Variants in ACSBG2 observed in about 807,000 individuals in gnomAD.
The protein encoded by ACSBG2 is long-chain-fatty-acid--CoA ligase ACSBG2.
In ACSBG2, 62 loss-of-function variants were observed where a neutral mutation model predicts 74.7. That is an observed-to-expected ratio of 0.83 (90% CI 0.68 to 1.03). ACSBG2 has a LOEUF of 1.03. Among genes scored for constraint, ACSBG2 ranks in the 50% least tolerant of loss-of-function variants. ACSBG2 has a pLI of 0.00. For missense variants in ACSBG2, 730 were observed against 817.6 expected, an observed-to-expected ratio of 0.89 and a Z score of 1.31; for synonymous variants, 309 against 294.1, an observed-to-expected ratio of 1.05 and a Z score of -0.52.
chr19:6,138,394 C>A (rs778067143), intron 1 of ACSBG2, among the ~76,000 whole-genome samples: 1 of 143,328 alleles, frequency 7.0e-6, no homozygotes, highest in East Asian at 2.1e-4. Flanking sequence ...TCCAGGCAGG[C>A]GGAGAGAGTG....
At chr19:6,142,771 G>C (rs1184652649) in intron 2 of ACSBG2, among the ~76,000 whole-genome samples, 5 of 132,394 alleles carry the variant, frequency 3.8e-5, no homozygotes, top group Non-Finnish European at 6.6e-5. Flanking sequence ...AAAAAAAATA[G>C]TGAAAGTACT....
At chr19:6,146,267 C>T (rs1021512364) in intron 2 of ACSBG2, among the ~76,000 whole-genome samples, 7 of 150,702 alleles carry the variant, frequency 4.6e-5, no homozygotes, top group Admixed American at 1.3e-4. Flanking sequence ...GTCAGGAGTT[C>T]GAGACCAGCC....
chr19:6,175,589 A>G (rs1049363984), intron 7 of ACSBG2, among the ~76,000 whole-genome samples: 2 of 152,138 alleles, frequency 1.3e-5, no homozygotes, highest in Non-Finnish European at 2.9e-5. Context: ...GAGCATTCCA[A>G]GCAGGGGGAA....
chr19:6,151,736 T>A lies in ACSBG2; in HGVS notation c.327T>A (p.Gly109=), dbSNP rs369753728. Residue 109 remains glycine (G), a synonymous_variant, in exon 4 of 15, where the codon GGT becomes GGA. Transcript: ENST00000588485. Reference sequence around the variant, plus strand: ...GTTTGGAGCGTTTCCACGGAGTTGGTATCCTGGGGTTTAACTCTGCAGAGT... The same window carrying A: ...GTTTGGAGCGTTTCCACGGAGTTGGAATCCTGGGGTTTAACTCTGCAGAGT... ...KLGLERFHGV[G]ILGFNSAEWF... is the part of the protein sequence containing the mutation. The A allele has an allele frequency of 1.2e-6, 2 of 1,603,170 alleles. No individual in the cohort carries two copies. The highest frequency in any genetic ancestry group is 2.2e-5 in the South Asian group (2 of 88,920).
At chr19:6,184,872 A>AAAAAAAAAAC (rs2090361702) in intron 10 of ACSBG2, among the ~76,000 whole-genome samples, 2 of 116,868 alleles carry the variant, frequency 1.7e-5, no homozygotes, top group African/African-American at 6.9e-5. Context: ...AAAAAAAAAA[A>AAAAAAAAAAC]CGAAAAACAG....
At chr19:6,147,108 A>T (rs2089060991) in intron 2 of ACSBG2, among the ~76,000 whole-genome samples, 1 of 152,124 alleles carries the variant, frequency 6.6e-6, no homozygotes, top group South Asian at 2.1e-4. Context: ...TCCAGAAAAA[A>T]AGAAAGAAAG....
At chr19:6,178,538 T>C (rs1283918328) in intron 8 of ACSBG2, among the ~76,000 whole-genome samples, 1 of 152,118 alleles carries the variant, frequency 6.6e-6, no homozygotes, top group Non-Finnish European at 1.5e-5. Context: ...TGTGCCACCA[T>C]GCCTGGCTGA....
rs1050213476 is a variant in ACSBG2 at position 6,153,655 on chromosome 19, G to A, written c.386+1860G>A. On this transcript the variant is annotated intron_variant, in intron 4 of 14. Coordinates refer to ENST00000588485, the MANE Select transcript of ACSBG2 (RefSeq NM_030924.5). ...GTTCAAGACCAGCCTGGACAACATCGCAAGATTCTGTCTCTAAAAAATAAA... is the reference window on the plus strand; with the variant it reads ...GTTCAAGACCAGCCTGGACAACATCACAAGATTCTGTCTCTAAAAAATAAA... 1.2e-4 allele frequency among the ~76,000 whole-genome samples: 18 copies of A among 151,968 alleles called. 1 individual carries two copies. Among genetic ancestry groups the A allele is most frequent in the Non-Finnish European group, 2.2e-4 (15 of 67,996 alleles).
chr19:6,167,983 A>C (rs112992828), intron 7 of ACSBG2, among the ~76,000 whole-genome samples: 9,812 of 27,412 alleles, frequency 0.36, 697 homozygotes, highest in African/African-American at 0.49. Context: ...CCTCACCCCC[A>C]CCCCCAGTCT....
intron 14 of ACSBG2, among the ~76,000 whole-genome samples, chr19:6,192,413 G>A (rs1208633674): frequency 6.6e-6 from 1 of 152,204 alleles, no homozygotes; most frequent in Non-Finnish European, 1.5e-5. Context: ...GTGAGCCACT[G>A]TGCCTGGCCA....
At chr19:6,162,716 T>C (rs940651397) in intron 6 of ACSBG2, among the ~76,000 whole-genome samples, 18 of 152,048 alleles carry the variant, frequency 1.2e-4, no homozygotes, top group Admixed American at 3.3e-4. Context: ...CTGTTGACAT[T>C]TGGGGCAGGT....
intron 8 of ACSBG2, among the ~76,000 whole-genome samples, chr19:6,177,708 A>G (rs2090124875): frequency 7.0e-6 from 1 of 143,812 alleles, no homozygotes; most frequent in Non-Finnish European, 1.5e-5. Context: ...ATTTTTCTAA[A>G]AAACAAAAAA....
At chr19:6,186,877 T>G (rs1189198656) in intron 11 of ACSBG2, among the ~76,000 whole-genome samples, 1 of 152,088 alleles carries the variant, frequency 6.6e-6, no homozygotes, top group Non-Finnish European at 1.5e-5. Flanking sequence ...GCTATTTTTT[T>G]GCAGAGACCC....
At chr19:6,145,429 C>CAA (rs34273390) in intron 2 of ACSBG2, among the ~76,000 whole-genome samples, 6 of 127,372 alleles carry the variant, frequency 4.7e-5, no homozygotes, top group African/African-American at 1.7e-4. Context: ...GACTCCATCT[C>CAA]AAAAAAAAAA....
At chr19:6,141,915 G>A (rs1274021915) in intron 2 of ACSBG2, among the ~76,000 whole-genome samples, 1 of 151,998 alleles carries the variant, frequency 6.6e-6, no homozygotes, top group Non-Finnish European at 1.5e-5. Flanking sequence ...TTTTTTTGTA[G>A]AGACAGGGTT....
chr19:6,190,828 C>CAT (rs2090545246), intron 14 of ACSBG2, 136 bp downstream of exon 14: 1 of 552,824 alleles, frequency 1.8e-6, no homozygotes, highest in Admixed American at 3.0e-5. Flanking sequence ...CACACACACA[C>CAT]ACACACACAC....
At chr19:6,162,746 C>G (rs2089668680) in intron 6 of ACSBG2, among the ~76,000 whole-genome samples, 1 of 151,934 alleles carries the variant, frequency 6.6e-6, no homozygotes, top group South Asian at 2.1e-4. Context: ...AGGAGCTGTC[C>G]GACGCCCTGT....
At position 6,165,826 on chromosome 19, in the gene ACSBG2, G is replaced by T. The variant is rs75463840; in HGVS notation, c.589-40G>T. ...GGTCTGGCTGGGTGAGAGGACTCCC[G>T]ACTGCCTTCTCATCCTCCGCTTGTC... is the stretch of plus-strand genomic sequence containing the variant. On this transcript the variant is annotated intron_variant, in intron 6 of 14. Transcript: ENST00000588485. 3.7e-6 allele frequency: 6 copies of T among 1,610,576 alleles called. No individual in the cohort carries two copies. The East Asian group carries it at 8.9e-5, about 24-fold the overall frequency.
chr19:6,140,427 G>A (rs1162827945), intron 1 of ACSBG2, among the ~76,000 whole-genome samples: 1 of 152,034 alleles, frequency 6.6e-6, no homozygotes, highest in Non-Finnish European at 1.5e-5. Context: ...CGCCTGTAAT[G>A]CCAGCACTTT....
Sources: allele counts gnomAD v4.1 joint callset (sites outside exome capture counted in the v4.1 genomes callset), GRCh38; gene constraint gnomAD v4.1.1; transcripts MANE v1.5; gene names NCBI Gene and HGNC (gene_info 2026-07-23, HGNC 2026-07-21).